The following VSTM2L variants were observed in gnomAD, a reference collection of about 807,000 sequenced individuals.
VSTM2L encodes V-set and transmembrane domain-containing protein 2-like protein.
VSTM2L carries 9 observed loss-of-function variants against 19.9 expected under a neutral mutation model. That is an observed-to-expected ratio of 0.45 (90% CI 0.27 to 0.79). The LOEUF (loss-of-function observed/expected upper bound fraction) is 0.79. VSTM2L is among the 30% of genes least tolerant of loss of function. The probability of loss-of-function intolerance (pLI) is 0.15; values close to 1 mark genes in which losing one functional copy is unlikely to be tolerated. For synonymous variants in VSTM2L, 127 were observed against 133.8 expected, an observed-to-expected ratio of 0.95 and a Z score of 0.35; for missense variants, 286 against 295.5, an observed-to-expected ratio of 0.97 and a Z score of 0.24.
chr20:37,935,753 T>C (rs562573103), intron 3 of VSTM2L, among the ~76,000 whole-genome samples: 2 of 152,256 alleles, frequency 1.3e-5, no homozygotes, highest in East Asian at 3.9e-4. Flanking sequence ...CCTGCCTGAC[T>C]CACTGTTGCA....
At chr20:37,933,067 T>C (rs2072919702) in intron 2 of VSTM2L, among the ~76,000 whole-genome samples, 1 of 152,218 alleles carries the variant, frequency 6.6e-6, no homozygotes, top group South Asian at 2.1e-4. Context: ...GTATCTGCGG[T>C]TGGAAGCTTC....
chr20:37,922,234 C>T (rs1290752130), intron 1 of VSTM2L, among the ~76,000 whole-genome samples: 1 of 152,094 alleles, frequency 6.6e-6, no homozygotes, highest in Non-Finnish European at 1.5e-5. Flanking sequence ...ATTCTGCTTT[C>T]TGTCTCTGTG....
Position 37,931,754 on chromosome 20 carries a change from G to A in VSTM2L, c.241G>A (p.Val81Ile), listed in dbSNP as rs981985797. ...SYSLEIQWWY[V>I]RSHRDWTDKQ... The stretch of plus-strand genomic sequence containing the variant: ...CTCGCTGGAGATCCAGTGGTGGTAT[G>A]TACGGAGCCACCGGGACTGGACCGA... The change falls in exon 2 of 4, where the codon GTA becomes ATA. Residue 81 changes from valine to isoleucine, a missense_variant. By Grantham distance (29) the Val-to-Ile change is conservative. Transcript: ENST00000373461. 4 of 1,613,952 alleles carry A rather than the reference G, an allele frequency of 2.5e-6. No homozygotes were observed. The highest frequency in any genetic ancestry group is 1.1e-5 in the South Asian group (1 of 91,088).
At chr20:37,903,660 C>T (rs1196303747) in intron 1 of VSTM2L, among the ~76,000 whole-genome samples, 189 bp downstream of exon 1, 1 of 152,182 alleles carries the variant, frequency 6.6e-6, no homozygotes. Context: ...CGGGGCGCAC[C>T]CCCGAACCTC....
chr20:37,909,521 G>A (rs6096825), intron 1 of VSTM2L, among the ~76,000 whole-genome samples: 2,551 of 152,298 alleles, frequency 0.017, 71 homozygotes, highest in African/African-American at 0.057. Flanking sequence ...AATTCTTAAA[G>A]CTTTGCTCAT....
chr20:37,935,884 ATT>A (rs11086387), intron 3 of VSTM2L, among the ~76,000 whole-genome samples: 14,940 of 138,154 alleles, frequency 0.11, 1,025 homozygotes, highest in East Asian at 0.41. Flanking sequence ...CCATACACAG[ATT>A]TTTTTTTTTT....
At chr20:37,918,184 G>C (rs2072830495) in intron 1 of VSTM2L, among the ~76,000 whole-genome samples, 1 of 152,220 alleles carries the variant, frequency 6.6e-6, no homozygotes, top group Non-Finnish European at 1.5e-5. Flanking sequence ...GATTGGGATA[G>C]GGAAGTGGCA....
chr20:37,942,122 C>T (rs73296456), intron 3 of VSTM2L, among the ~76,000 whole-genome samples: 10,612 of 152,124 alleles, frequency 0.07, 386 homozygotes, highest in Middle Eastern at 0.16. Flanking sequence ...AAATGTCCAT[C>T]GACGGTGATC....
chr20:37,943,995 G>A lies in VSTM2L; in HGVS notation c.357G>A (p.Val119=). Residue 119 remains valine (V), a synonymous_variant, in exon 4 of 4, where the codon GTG becomes GTA. Coordinates refer to ENST00000373461, the MANE Select transcript of VSTM2L (RefSeq NM_080607.3). Reference sequence around the variant, plus strand: ...GTCACCCCCAGGTGGTCAAGGTGGTGGGCAGCAACATCTCCCACAAGCTGC... The same window carrying A: ...GTCACCCCCAGGTGGTCAAGGTGGTAGGCAGCAACATCTCCCACAAGCTGC... ...EATKISVVKV[V]GSNISHKLRL... is the part of the protein sequence containing the mutation. 1 of 1,581,142 alleles carries A rather than the reference G, an allele frequency of 6.3e-7. No homozygotes were observed. The highest frequency in any genetic ancestry group is 8.6e-7 in the Non-Finnish European group (1 of 1,157,352).
At position 37,944,450 on chromosome 20, in the gene VSTM2L, T is replaced by C; in HGVS notation, c.*197T>C. ...ACCCACCCCTGCCCTTTCAGACCCC[T>C]GCGGTGACCTGGCTCGGAGAAGGTG... On this transcript the variant is annotated 3_prime_UTR_variant, in exon 4 of 4. Coordinates refer to ENST00000373461, the MANE Select transcript of VSTM2L (RefSeq NM_080607.3). 7.4e-6 allele frequency: 4 copies of C among 543,496 alleles called. No individual in the cohort carries two copies. The highest frequency in any genetic ancestry group is 1.2e-4 in the South Asian group (2 of 16,488). 33.7% of individuals were successfully genotyped at this position (543,496 alleles called of 1,614,324 possible).
intron 1 of VSTM2L, among the ~76,000 whole-genome samples, chr20:37,927,304 A>G (rs1288007668): frequency 1.3e-5 from 2 of 152,182 alleles, no homozygotes; most frequent in Non-Finnish European, 2.9e-5. Flanking sequence ...TAATTTTTTG[A>G]TATCTTGGCT....
At chr20:37,916,191 G>A (rs952816464) in intron 1 of VSTM2L, among the ~76,000 whole-genome samples, 23 of 152,180 alleles carry the variant, frequency 1.5e-4, no homozygotes, top group African/African-American at 5.3e-4. Flanking sequence ...ATGCATCCGT[G>A]CAATGGGCTC....
chr20:37,943,908 A>AGCC, intron 3 of VSTM2L, 73 bp from the exon 4 acceptor site: 5 of 176,978 alleles, frequency 2.8e-5, no homozygotes, highest in African/African-American at 4.0e-5. Context: ...CGATCTTGGG[A>AGCC]CCCCCCCCCC....
intron 1 of VSTM2L, among the ~76,000 whole-genome samples, chr20:37,914,310 CTG>C (rs921499970): frequency 1.0e-3 from 24 of 22,860 alleles, no homozygotes; most frequent in African/African-American, 3.5e-3. Context: ...GTGTGTGCAT[CTG>C]TGTGTATGTG....
intron 3 of VSTM2L, among the ~76,000 whole-genome samples, chr20:37,939,127 G>T (rs2072957105): frequency 6.6e-6 from 1 of 152,198 alleles, no homozygotes; most frequent in Admixed American, 6.5e-5. Flanking sequence ...AAGCTTGGCT[G>T]GGCGCGGTGG....
In VSTM2L at chr20:37,931,805, G is replaced by C; in HGVS notation, c.291+1G>C. 6.2e-7 allele frequency: 1 copy of C among 1,613,314 alleles called. No homozygotes were observed. The highest frequency in any genetic ancestry group is 8.5e-7 in the Non-Finnish European group (1 of 1,179,794). On this transcript the variant is annotated splice_donor_variant, in intron 2 of 3. Transcript: ENST00000373461. LOFTEE classifies it high-confidence loss of function. ...CAAGCAGGCGTGGGCCTCGAACCAGGTAATGCCCCTGGGGAGATGCCCAAG... is the reference window on the plus strand; with the variant it reads ...CAAGCAGGCGTGGGCCTCGAACCAGCTAATGCCCCTGGGGAGATGCCCAAG...
intron 1 of VSTM2L, among the ~76,000 whole-genome samples, chr20:37,920,444 T>G (rs1436727431): frequency 6.6e-6 from 1 of 152,254 alleles, no homozygotes; most frequent in Non-Finnish European, 1.5e-5. Flanking sequence ...AGCCACCCAC[T>G]CCTGGCACTG....
intron 1 of VSTM2L, among the ~76,000 whole-genome samples, chr20:37,911,465 G>A (rs533055868): frequency 9.2e-5 from 14 of 152,282 alleles, no homozygotes; most frequent in African/African-American, 2.4e-4. Flanking sequence ...AGAACACAGC[G>A]GGCGGCTAAT....
intron 1 of VSTM2L, among the ~76,000 whole-genome samples, chr20:37,930,234 C>T (rs927037000): frequency 2.6e-5 from 4 of 152,202 alleles, no homozygotes; most frequent in African/African-American, 9.7e-5. Flanking sequence ...CAGATGGAGT[C>T]GTTTGTCAAT....
Sources: gnomAD v4.1 joint callset for allele counts (sites outside exome capture counted in the v4.1 genomes callset) on GRCh38, gnomAD v4.1.1 for gene constraint, MANE v1.5 for transcripts, NCBI Gene and HGNC (gene_info 2026-07-23, HGNC 2026-07-21) for gene names.